Variants in PRR14 observed in about 807,000 individuals in gnomAD.
The protein encoded by PRR14 is proline rich 14.
A neutral mutation model predicts 57.2 loss-of-function variants in PRR14; 33 were observed. The observed-to-expected ratio is 0.58, with a 90% CI of 0.44 to 0.77. The LOEUF (loss-of-function observed/expected upper bound fraction) is 0.77. PRR14 is among the 30% of genes least tolerant of loss of function. The probability of loss-of-function intolerance (pLI) is 0.00; values close to 1 mark genes in which losing one functional copy is unlikely to be tolerated. For missense variants in PRR14, 716 were observed against 788.1 expected, an observed-to-expected ratio of 0.91 and a Z score of 1.10; for synonymous variants, 303 against 314.7, an observed-to-expected ratio of 0.96 and a Z score of 0.39.
chr16:30,652,245 T>G, intron 3 of PRR14: 1 of 593,244 alleles, frequency 1.7e-6, no homozygotes, highest in Non-Finnish European at 3.1e-6. Context: ...TTTTTTTTTT[T>G]TAGAGACAGG....
At chr16:30,653,609 G>A (rs574883025) in intron 6 of PRR14, among the ~76,000 whole-genome samples, 1 of 152,330 alleles carries the variant, frequency 6.6e-6, no homozygotes, top group African/African-American at 2.4e-5. Context: ...CCAGGAGTTT[G>A]AGGCCAGCCT....
intron 6 of PRR14, 84 bp downstream of exon 6, chr16:30,653,492 A>C: frequency 7.3e-7 from 1 of 1,368,980 alleles, no homozygotes; most frequent in Non-Finnish European, 1.0e-6. Flanking sequence ...ATCGGGACTG[A>C]CTGATCCAAT....
At chr16:30,654,540 A>G in intron 7 of PRR14, 89 bp from the exon 8 acceptor site, 2 of 1,151,368 alleles carry the variant, frequency 1.7e-6, no homozygotes. Context: ...GGGTGGGCTA[A>G]TTCCCCTGTG....
At position 30,655,650 on chromosome 16, in the gene PRR14, C is replaced by T. The variant is rs909421238; in HGVS notation, c.1406+57C>T. 8.0e-6 allele frequency: 12 copies of T among 1,499,788 alleles called. No homozygotes were observed. Among genetic ancestry groups the T allele is most frequent in the Non-Finnish European group, 9.3e-6 (10 of 1,078,556 alleles). 92.9% of individuals were successfully genotyped at this position (1,499,788 alleles called of 1,614,324 possible). On this transcript the variant is annotated intron_variant, in intron 10 of 11. Transcript: ENST00000300835. The surrounding 1 kb of genome is among the most constrained non-coding windows in gnomAD (Gnocchi z 4.6). ...GGCCAAACAGATGCAGGCTTATGTC[C>T]CCTGAAGTATAGCTTTGTCTCCCCT...
chr16:30,651,397 G>A lies in PRR14; in HGVS notation c.-50-199G>A. On this transcript the variant is annotated intron_variant, in intron 1 of 11. Coordinates refer to ENST00000300835, the MANE Select transcript of PRR14 (RefSeq NM_024031.5). This position sits in a 1 kb window ranked among gnomAD's most constrained non-coding sequence, Gnocchi z 5.0. ...TCTGGGTTCTGGCGGCAGGTGCCAG[G>A]CAGGGCGCGAGTGATCCGCTGATCG... The A allele has an allele frequency of 2.1e-6, 1 of 481,604 alleles. No homozygotes were observed. Among genetic ancestry groups the A allele is most frequent in the Admixed American group, 3.9e-5 (1 of 25,624 alleles). 29.8% of individuals were successfully genotyped at this position (481,604 alleles called of 1,614,324 possible). A position where few individuals can be genotyped will look rare whatever the true frequency, so the allele number is the denominator to read the frequency against.
At position 30,652,431 on chromosome 16, in the gene PRR14, A is replaced by G. The variant is rs2052322955; in HGVS notation, c.193-290A>G. On this transcript the variant is annotated intron_variant, in intron 3 of 11. Coordinates refer to ENST00000300835, the MANE Select transcript of PRR14 (RefSeq NM_024031.5). ...GCTGAGGTCTTTGACTCCACTGCAC[A>G]GATAAGAAAAACTGGCCCAAAAAAG... The G allele has an allele frequency of 3.6e-5, 20 of 560,714 alleles. No individual in the cohort carries two copies. The East Asian group carries it at 6.6e-4, about 18-fold the overall frequency. The allele number at this position is 560,714 out of a possible 1,614,324, so 34.7% of individuals were successfully genotyped here.
At position 30,656,367 on chromosome 16, in the gene PRR14, AT is replaced by A. The variant is rs552685019; in HGVS notation, c.*65del. 7.3e-5 allele frequency: 107 copies of A among 1,472,612 alleles called. No homozygotes were observed. Among genetic ancestry groups the A allele is most frequent in the Middle Eastern group, 1.9e-4 (1 of 5,366 alleles). 91.2% of individuals were successfully genotyped at this position (1,472,612 alleles called of 1,614,324 possible). ...GGGACAGGAAACCTCCCAGGCAGTT[AT>A]TTTTTTTTCTCTATATTTCTAGTAA... On this transcript the variant is annotated 3_prime_UTR_variant, in exon 12 of 12. Coordinates refer to ENST00000300835, the MANE Select transcript of PRR14 (RefSeq NM_024031.5).
At chr16:30,652,163 C>T (rs2151257351) in intron 3 of PRR14, 199 bp downstream of exon 3, 1 of 652,688 alleles carries the variant, frequency 1.5e-6, no homozygotes, top group East Asian at 2.7e-5. Flanking sequence ...CCATTCCACC[C>T]ACCAACGATT....
chr16:30,651,604 C>T lies in PRR14; in HGVS notation c.-42C>T, dbSNP rs1182820113. The T allele has an allele frequency of 2.2e-5, 34 of 1,528,410 alleles. No homozygotes were observed. Among genetic ancestry groups the T allele is most frequent in the Non-Finnish European group, 3.0e-5 (34 of 1,132,622 alleles). 94.7% of individuals were successfully genotyped at this position (1,528,410 alleles called of 1,614,324 possible). A position where few individuals can be genotyped will look rare whatever the true frequency, so the allele number is the denominator to read the frequency against. On this transcript the variant is annotated 5_prime_UTR_variant, in exon 2 of 12. Transcript: ENST00000300835. This position sits in a 1 kb window ranked among gnomAD's most constrained non-coding sequence, Gnocchi z 5.0. The stretch of plus-strand genomic sequence containing the variant: ...CTCCCCCCTTACCCCAGGCCGCAGC[C>T]TGGGATTCCCCAGGGACCCCCCCGG...
chr16:30,655,275 T>C lies in PRR14; in HGVS notation c.1244+61T>C. On this transcript the variant is annotated intron_variant, in intron 8 of 11. Transcript: ENST00000300835. This position sits in a 1 kb window ranked among gnomAD's most constrained non-coding sequence, Gnocchi z 4.6. ...GCAGCCTGGTCCCAGCCTCCTTCCCTGAGTATCCAGTGGGCAGGAGACGGG... is the reference window on the plus strand; with the variant it reads ...GCAGCCTGGTCCCAGCCTCCTTCCCCGAGTATCCAGTGGGCAGGAGACGGG... 6.2e-7 allele frequency: 1 copy of C among 1,600,540 alleles called. No homozygotes were observed.
chr16:30,651,926 C>A lies in PRR14; in HGVS notation c.154C>A (p.Leu52Met). 6.4e-7 allele frequency: 1 copy of A among 1,573,530 alleles called. No individual in the cohort carries two copies. Among genetic ancestry groups the A allele is most frequent in the Admixed American group, 1.9e-5 (1 of 53,472 alleles). Residue 52 changes from leucine (L) to methionine (M), a missense_variant, in exon 3 of 12, where the codon CTG becomes ATG. Coordinates refer to ENST00000300835, the MANE Select transcript of PRR14 (RefSeq NM_024031.5). This position sits in a 1 kb window ranked among gnomAD's most constrained non-coding sequence, Gnocchi z 5.0. ...SPLEKASRRV[L>M]AVVLEDVMAV... The stretch of plus-strand genomic sequence containing the variant: ...CCTGGAAAAGGCCTCTCGGCGGGTC[C>A]TGGCCGTGGTGCTAGAAGATGTCAT...
rs2052310521 is a variant in PRR14 at position 30,651,462 on chromosome 16, G to A, written c.-50-134G>A. ...GGAGGACACCCGCTCCGGGCGACCG[G>A]CCGGGGGCGCCCTTTCGCGCCCCAG... On this transcript the variant is annotated intron_variant, in intron 1 of 11. Transcript: ENST00000300835. This position sits in a 1 kb window ranked among gnomAD's most constrained non-coding sequence, Gnocchi z 5.0. 2.0e-6 allele frequency: 1 copy of A among 490,566 alleles called. No individual in the cohort carries two copies. Among genetic ancestry groups the A allele is most frequent in the Non-Finnish European group, 3.6e-6 (1 of 280,276 alleles). 30.4% of individuals were successfully genotyped at this position (490,566 alleles called of 1,614,324 possible).
In PRR14 at chr16:30,654,778, A is replaced by T. The variant is rs2151258826; in HGVS notation, c.808A>T (p.Thr270Ser). Reference sequence around the variant, plus strand: ...TGACATCTTCCTCACGCCCAACAAAACCCCACAGCCCCCACCCCCGTCCCC... The same window carrying T: ...TGACATCTTCCTCACGCCCAACAAATCCCCACAGCCCCCACCCCCGTCCCC... ...FADIFLTPNK[T>S]PQPPPPSPPM... is the part of the protein sequence containing the mutation. Residue 270 changes from threonine (T) to serine (S), a missense_variant, in exon 8 of 12, where the codon ACC (threonine) becomes TCC (serine). Transcript: ENST00000300835. 1.2e-6 allele frequency: 2 copies of T among 1,610,330 alleles called. No homozygotes were observed. Among genetic ancestry groups the T allele is most frequent in the African/African-American group, 2.7e-5 (2 of 74,646 alleles).
Position 30,655,404 on chromosome 16 carries a change from C to T in PRR14, c.1298C>T (p.Ser433Leu). ...EPRASKDQVL[S>L]EPETKTMGKV... ...AGAGCCTCAAAGGACCAGGTGCTTT[C>T]AGAACCTGAGACCAAGGTAGGCATT... is the stretch of plus-strand genomic sequence containing the variant. The change falls in exon 9 of 12, where the codon TCA becomes TTA. Residue 433 changes from serine (S) to leucine (L), a missense_variant. Physicochemically the swap from Ser to Leu is moderately radical, Grantham distance 145. Transcript: ENST00000300835. This position sits in a 1 kb window ranked among gnomAD's most constrained non-coding sequence, Gnocchi z 4.6. 1 of 1,614,112 alleles carries T rather than the reference C, an allele frequency of 6.2e-7. No homozygotes were observed. Among genetic ancestry groups the T allele is most frequent in the Non-Finnish European group, 8.5e-7 (1 of 1,180,004 alleles).
chr16:30,653,719 TG>T (rs1377981452), intron 6 of PRR14, among the ~76,000 whole-genome samples: 6 of 152,136 alleles, frequency 3.9e-5, no homozygotes, highest in Non-Finnish European at 8.8e-5. Flanking sequence ...CAGGCTGGAG[TG>T]CAATGGTGCG....
chr16:30,654,438 C>A, intron 7 of PRR14, 99 bp downstream of exon 7: 1 of 1,103,456 alleles, frequency 9.1e-7, no homozygotes, highest in Non-Finnish European at 1.4e-6. Context: ...GGGCTTAAGC[C>A]ACCTCCCAGG....
Position 30,654,661 on chromosome 16 carries a change from C to T in PRR14, c.691C>T (p.Pro231Ser). The change falls in exon 8 of 12, where the codon CCA (proline) becomes TCA (serine). Residue 231 changes from proline (P) to serine (S), a missense_variant. Pro to Ser is a moderately conservative substitution (Grantham distance 74). Coordinates refer to ENST00000300835, the MANE Select transcript of PRR14 (RefSeq NM_024031.5). ...TCCTGCTCTGGAGCTCCCATCCACC[C>T]CACCACCGTCCAGCCTTTTACGCCC... is the stretch of plus-strand genomic sequence containing the variant. ...PDPALELPST[P>S]PPSSLLRPRL... The T allele has an allele frequency of 6.2e-7, 1 of 1,611,898 alleles. No individual in the cohort carries two copies. The highest frequency in any genetic ancestry group is 8.5e-7 in the Non-Finnish European group (1 of 1,178,800).
Position 30,651,010 on chromosome 16 carries a change from A to G in PRR14, c.-168A>G, listed in dbSNP as rs1285326383. 1 of 456,222 alleles carries G rather than the reference A, an allele frequency of 2.2e-6. No homozygotes were observed. Among genetic ancestry groups the G allele is most frequent in the African/African-American group, 2.0e-5 (1 of 50,060 alleles). 28.3% of individuals were successfully genotyped at this position (456,222 alleles called of 1,614,324 possible). On this transcript the variant is annotated 5_prime_UTR_variant, in exon 1 of 12. Transcript: ENST00000300835. The surrounding 1 kb of genome is among the most constrained non-coding windows in gnomAD (Gnocchi z 5.0). ...CTTGACAGTGGATCCCTGGGGATCTACGCTGAGTTCGGAGATGCTCCAGCT... is the reference window on the plus strand; with the variant it reads ...CTTGACAGTGGATCCCTGGGGATCTGCGCTGAGTTCGGAGATGCTCCAGCT...
intron 3 of PRR14, chr16:30,652,462 G>T (rs1302425391): frequency 1.5e-5 from 9 of 594,458 alleles, no homozygotes; most frequent in Non-Finnish European, 2.7e-5. Flanking sequence ...AAAAGGCAGT[G>T]ACCCACCCTA....
Sources: gnomAD v4.1 joint callset for allele counts (sites outside exome capture counted in the v4.1 genomes callset) on GRCh38, gnomAD v4.1.1 for gene constraint, Gnocchi (gnomAD v3.1) non-coding constraint, MANE v1.5 for transcripts, NCBI Gene and HGNC (gene_info 2026-07-23, HGNC 2026-07-21) for gene names.